Variants in PJA2 observed in about 807,000 individuals in gnomAD.
PJA2 encodes the protein E3 ubiquitin-protein ligase Praja-2.
PJA2 carries 25 observed loss-of-function variants against 69.3 expected under a neutral mutation model. The observed-to-expected ratio is 0.36, with a 90% CI of 0.26 to 0.50. The LOEUF is 0.50. Among genes scored for constraint, PJA2 ranks in the 20% least tolerant of loss-of-function variants. The pLI is 0.96. For synonymous variants in PJA2, 308 were observed against 277.8 expected (o/e 1.11, Z -1.08); for missense variants, 809 against 830.2 (o/e 0.97, Z 0.31).
intron 1 of PJA2, among the ~76,000 whole-genome samples, chr5:109,399,207 T>A (rs1747486162): frequency 7.0e-6 from 1 of 143,036 alleles, no homozygotes; most frequent in African/African-American, 2.7e-5. Context: ...TGCAACTCTG[T>A]CTCAAAAAAA....
At chr5:109,366,490 C>T (rs1039110928) in intron 5 of PJA2, among the ~76,000 whole-genome samples, 1 of 152,180 alleles carries the variant, frequency 6.6e-6, no homozygotes, top group African/African-American at 2.4e-5. Flanking sequence ...TCTTTAAGAA[C>T]TCAGCTCAAA....
intron 1 of PJA2, among the ~76,000 whole-genome samples, chr5:109,384,374 C>T (rs908709994): frequency 1.3e-5 from 2 of 152,160 alleles, no homozygotes; most frequent in Non-Finnish European, 2.9e-5. Flanking sequence ...AACCTATTTT[C>T]AATCAGGAAA....
intron 4 of PJA2, among the ~76,000 whole-genome samples, chr5:109,376,401 C>A (rs1455800283): frequency 1.3e-5 from 2 of 151,946 alleles, no homozygotes; most frequent in South Asian, 4.1e-4. Flanking sequence ...AAAGAATACA[C>A]TTCCACCACT....
intron 1 of PJA2, among the ~76,000 whole-genome samples, chr5:109,385,069 C>T (rs1237925518): frequency 1.3e-5 from 2 of 152,194 alleles, no homozygotes; most frequent in Non-Finnish European, 2.9e-5. Flanking sequence ...CCTGCCTTGG[C>T]CACCCAAAGT....
chr5:109,383,875 C>T (rs1001905913), intron 1 of PJA2, among the ~76,000 whole-genome samples: 3 of 152,014 alleles, frequency 2.0e-5, no homozygotes, highest in Non-Finnish European at 4.4e-5. Context: ...TGCAGTGAGC[C>T]GAGATCATGC....
intron 7 of PJA2, among the ~76,000 whole-genome samples, chr5:109,352,452 C>T (rs1762269416): frequency 1.3e-5 from 2 of 152,060 alleles, no homozygotes; most frequent in Admixed American, 6.6e-5. Flanking sequence ...AATGAGTGAT[C>T]CTTAATCTTT....
At chr5:109,400,856 G>A (rs1747526897) in intron 1 of PJA2, among the ~76,000 whole-genome samples, 2 of 152,080 alleles carry the variant, frequency 1.3e-5, no homozygotes, top group African/African-American at 4.8e-5. Context: ...GGTTGCGGGT[G>A]CCTGTAGCCC....
chr5:109,362,485 A>C lies in PJA2; in HGVS notation c.1652+355T>G, dbSNP rs560839631. Among the ~76,000 whole-genome samples, 3 of 152,376 alleles carry C rather than the reference A, an allele frequency of 2.0e-5. No homozygotes were observed. In the South Asian group the frequency reaches 6.2e-4, roughly 32 times the overall value. On this transcript the variant is annotated intron_variant, in intron 6 of 9. Coordinates refer to ENST00000361189, the MANE Select transcript of PJA2 (RefSeq NM_014819.5). ...TTTTCTGATTCAACCATAGGTTTTA[A>C]AATTGAAGTGGTATTCATTAAGAAG...
At position 109,396,422 on chromosome 5, in the gene PJA2, C is replaced by CT. The variant is rs35744917; in HGVS notation, c.-87-12903dup. Among the ~76,000 whole-genome samples, 722 of 85,158 alleles carry CT rather than the reference C, an allele frequency of 8.5e-3. 9 individuals are homozygous for CT. Among genetic ancestry groups the CT allele is most frequent in the East Asian group, 0.013 (42 of 3,348 alleles). 55.9% of individuals were successfully genotyped at this position (85,158 alleles called of 152,430 possible). On this transcript the variant is annotated intron_variant, in intron 1 of 9. Transcript: ENST00000361189. ...TTACTTCTACTTAACATGTAAAGTT[C>CT]TTTTTTTTTTTTTTTTTTTTTTGAG...
At chr5:109,349,163 T>C (rs1762212544) in intron 7 of PJA2, among the ~76,000 whole-genome samples, 1 of 152,216 alleles carries the variant, frequency 6.6e-6, no homozygotes, top group African/African-American at 2.4e-5. Context: ...AATTTAAATG[T>C]GCATTGAAAG....
chr5:109,380,942 C>T (rs1012590577), intron 3 of PJA2, among the ~76,000 whole-genome samples: 1 of 151,884 alleles, frequency 6.6e-6, no homozygotes, highest in Non-Finnish European at 1.5e-5. Context: ...TGGTGAAACC[C>T]TGTCTCTACT....
At chr5:109,379,369 T>A in intron 3 of PJA2, 115 bp from the exon 4 acceptor site, 1 of 732,634 alleles carries the variant, frequency 1.4e-6, no homozygotes, top group Non-Finnish European at 2.2e-6. Context: ...AATACATGAG[T>A]AAATTTATTT....
intron 5 of PJA2, among the ~76,000 whole-genome samples, chr5:109,363,609 A>G (rs552650782): frequency 6.6e-6 from 1 of 152,230 alleles, no homozygotes; most frequent in East Asian, 1.9e-4. Flanking sequence ...TGTCAGATTC[A>G]TAAGTCACCA....
intron 5 of PJA2, among the ~76,000 whole-genome samples, chr5:109,367,113 C>T (rs946222166): frequency 8.5e-5 from 12 of 140,460 alleles, no homozygotes; most frequent in African/African-American, 3.3e-4. Flanking sequence ...GCCTGGGCAA[C>T]AGAGAGCAAG....
chr5:109,387,940 C>A (rs1225738134), intron 1 of PJA2, among the ~76,000 whole-genome samples: 1 of 152,138 alleles, frequency 6.6e-6, no homozygotes, highest in East Asian at 1.9e-4. Flanking sequence ...GCTCCTTTCT[C>A]TGATGGAAAT....
chr5:109,350,148 G>A, intron 7 of PJA2, among the ~76,000 whole-genome samples: 1 of 152,038 alleles, frequency 6.6e-6, no homozygotes, highest in East Asian at 1.9e-4. Context: ...TGCAGTGCTA[G>A]TAACACCTGA....
chr5:109,362,837 T>C lies in PJA2; in HGVS notation c.1652+3A>G. ...AGCATCCTAATAAAATCGTGCTACA[T>C]ACCTCCAATCCACATCTAAGTCTTC... On this transcript the variant is annotated splice_donor_region_variant and intron_variant, in intron 6 of 9. Transcript: ENST00000361189. 1.3e-6 allele frequency: 2 copies of C among 1,591,420 alleles called. No homozygotes were observed. The highest frequency in any genetic ancestry group is 2.3e-5 in the East Asian group (1 of 44,202).
At chr5:109,400,092 T>C (rs1459342802) in intron 1 of PJA2, among the ~76,000 whole-genome samples, 1 of 151,684 alleles carries the variant, frequency 6.6e-6, no homozygotes, top group African/African-American at 2.4e-5. Flanking sequence ...GAGTTCAAGA[T>C]CAGCCTGACC....
chr5:109,394,589 A>C (rs1047327786), intron 1 of PJA2, among the ~76,000 whole-genome samples: 12 of 152,194 alleles, frequency 7.9e-5, no homozygotes, highest in African/African-American at 2.9e-4. Context: ...ATTGGCAGAA[A>C]AATGTTTAAT....
Sources: allele counts gnomAD v4.1 joint callset (sites outside exome capture counted in the v4.1 genomes callset), GRCh38; gene constraint gnomAD v4.1.1; transcripts MANE v1.5; gene names NCBI Gene and HGNC (gene_info 2026-07-23, HGNC 2026-07-21).